The following CIB1 variants were observed in gnomAD, a reference collection of about 807,000 sequenced individuals.
The protein encoded by CIB1 is calcium and integrin-binding protein 1.
A neutral mutation model predicts 25.0 loss-of-function variants in CIB1; 19 were observed. That is an observed-to-expected ratio of 0.76 (90% confidence interval 0.53 to 1.12). CIB1 has a LOEUF of 1.12. Among genes scored for constraint, CIB1 ranks in the 50% most tolerant of loss-of-function variants. The pLI is 0.00. For missense variants in CIB1, 236 were observed against 242.6 expected, an observed-to-expected ratio of 0.97 and a Z score of 0.18; for synonymous variants, 104 against 98.5, an observed-to-expected ratio of 1.06 and a Z score of -0.33.
At chr15:90,258,738 G>A in the CIB1 span, 451 of 1,613,700 alleles carry the variant, frequency 2.8e-4, 1 homozygote, top group South Asian at 4.5e-3. Flanking sequence ...GACTCCTCCT[G>A]GCAGGTAAAC....
the CIB1 span, chr15:90,259,087 G>A: frequency 7.0e-7 from 1 of 1,433,498 alleles, no homozygotes; most frequent in Non-Finnish European, 9.2e-7. Flanking sequence ...ACAGGACCAG[G>A]CTTGGTGGCT....
chr15:90,265,757 C>T, the CIB1 span: 127 of 1,613,064 alleles, frequency 7.9e-5, 1 homozygote, highest in Middle Eastern at 1.2e-3. Flanking sequence ...GCGTTTGCGC[C>T]GCCGTCACTC....
rs200574955 is a variant in CIB1 at position 90,232,211 on chromosome 15, G to A, written c.195+8C>T. ...GGGAGAGGTGTCAAAGGAGGGGAGC[G>A]CTTGCACCTTGAGCTCTGGAAGGCT... is the stretch of plus-strand genomic sequence containing the variant. On this transcript the variant is annotated splice_region_variant and intron_variant, in intron 3 of 6. Coordinates refer to ENST00000328649, the MANE Select transcript of CIB1 (RefSeq NM_006384.4). 1.1e-3 allele frequency: 1,802 copies of A among 1,604,570 alleles called. No homozygotes were observed. Among genetic ancestry groups the A allele is most frequent in the Non-Finnish European group, 1.4e-3 (1,688 of 1,172,598 alleles).
Position 90,231,093 on chromosome 15 carries a change from A to C in CIB1, c.465+2T>G, listed in dbSNP as rs769355989. On this transcript the variant is annotated splice_donor_variant, in intron 5 of 6. Transcript: ENST00000328649. LOFTEE classifies it high-confidence loss of function. Reference sequence around the variant, plus strand: ...CGCTCCCAGGCCTGCTCAGCTGCTCACGTTGTCGATGAGCTGCTTCATCTC... The same window carrying C: ...CGCTCCCAGGCCTGCTCAGCTGCTCCCGTTGTCGATGAGCTGCTTCATCTC... 1.2e-6 allele frequency: 2 copies of C among 1,613,952 alleles called. No individual in the cohort carries two copies. Among genetic ancestry groups the C allele is most frequent in the Admixed American group, 3.3e-5 (2 of 60,002 alleles).
At chr15:90,265,610 T>G in the CIB1 span, 1 of 1,466,354 alleles carries the variant, frequency 6.8e-7, no homozygotes, top group Non-Finnish European at 9.3e-7. Context: ...GGGAAATAAC[T>G]TGCTACTACC....
chr15:90,265,403 C>T, the CIB1 span: 5 of 1,265,242 alleles, frequency 4.0e-6, no homozygotes, highest in Non-Finnish European at 5.0e-6. Context: ...ACAGGCAGGC[C>T]TGGGCAGCCG....
the CIB1 span, among the ~76,000 whole-genome samples, chr15:90,259,362 C>T: frequency 6.6e-6 from 1 of 151,876 alleles, no homozygotes; most frequent in Non-Finnish European, 1.5e-5. Flanking sequence ...TGCACTCCAG[C>T]CTGGGCAACA....
chr15:90,261,468 G>A, the CIB1 span, among the ~76,000 whole-genome samples: 1 of 151,232 alleles, frequency 6.6e-6, no homozygotes, highest in Non-Finnish European at 1.5e-5. Context: ...ATAATGGACT[G>A]CTAGCTTACG....
At chr15:90,231,247 G>T (rs1343072711) in intron 4 of CIB1, 34 bp from the exon 5 acceptor site, 1 of 1,611,800 alleles carries the variant, frequency 6.2e-7, no homozygotes, top group Non-Finnish European at 8.5e-7. Flanking sequence ...AAAAGACACG[G>T]TTGGGAGGGG....
chr15:90,241,297 G>A, the CIB1 span: 500 of 1,614,162 alleles, frequency 3.1e-4, 5 homozygotes, highest in South Asian at 5.1e-3. Context: ...AACAAGATCC[G>A]GCCCGGAGAA....
intron 6 of CIB1, 62 bp downstream of exon 6, chr15:90,230,872 G>A (rs557391723): frequency 7.2e-7 from 1 of 1,388,426 alleles, no homozygotes; most frequent in East Asian, 2.3e-5. Context: ...CCATGCCCTA[G>A]GCCCAGAGGC....
the CIB1 span, chr15:90,257,553 G>C: frequency 5.5e-6 from 7 of 1,270,098 alleles, no homozygotes; most frequent in East Asian, 1.4e-4. Flanking sequence ...CCTCGGGAGG[G>C]GTGGGGAGCA....
chr15:90,265,585 C>T, the CIB1 span: 8 of 1,407,122 alleles, frequency 5.7e-6, no homozygotes, highest in South Asian at 1.3e-5. Flanking sequence ...AGATCTTACC[C>T]CCACCAAGTG....
chr15:90,263,374 C>T, the CIB1 span: 2 of 516,686 alleles, frequency 3.9e-6, no homozygotes, highest in Non-Finnish European at 6.8e-6. Context: ...AGCTCCAAAC[C>T]TTCTCATTTA....
the CIB1 span, chr15:90,257,816 T>A: frequency 7.7e-7 from 1 of 1,297,028 alleles, no homozygotes. Context: ...GGAGGCTAAT[T>A]GCCCAGGGAA....
upstream of CIB1, among the ~76,000 whole-genome samples, chr15:90,238,064 C>T (rs1033761276): frequency 6.6e-6 from 1 of 152,208 alleles, no homozygotes; most frequent in African/African-American, 2.4e-5. Flanking sequence ...CTTTGGGAGG[C>T]CAACGCAGGT....
chr15:90,245,608 A>T, the CIB1 span: 9 of 152,218 alleles, frequency 5.9e-5, no homozygotes, highest in Admixed American at 5.9e-4. Flanking sequence ...CCAGTATCAC[A>T]CTTAATTTTG....
chr15:90,240,813 C>CA, the CIB1 span: 14,722 of 665,390 alleles, frequency 0.022, 1 homozygote, highest in East Asian at 0.032. Flanking sequence ...GACTCCATCT[C>CA]AAAAAAAAAA....
the CIB1 span, chr15:90,250,786 T>A: frequency 6.2e-7 from 1 of 1,614,102 alleles, no homozygotes; most frequent in Non-Finnish European, 8.5e-7. Flanking sequence ...AAAATGGGGT[T>A]CCCTCACCCA....
Sources: allele counts gnomAD v4.1 joint callset (sites outside exome capture counted in the v4.1 genomes callset), GRCh38; gene constraint gnomAD v4.1.1; transcripts MANE v1.5; gene names NCBI Gene and HGNC (gene_info 2026-07-23, HGNC 2026-07-21).